RYR1: variants seen among roughly 807,000 people sequenced by gnomAD.
RYR1 encodes central core disease of muscle.
In RYR1, 342 loss-of-function variants were observed where a neutral mutation model predicts 583.5. That is an observed-to-expected ratio of 0.59 (90% CI 0.54 to 0.64). The LOEUF (loss-of-function observed/expected upper bound fraction) is 0.64. Ranked by LOEUF, RYR1 falls within the 30% of genes least tolerant of loss-of-function variation. The probability of loss-of-function intolerance (pLI) is 0.00; values close to 1 mark genes in which losing one functional copy is unlikely to be tolerated. For missense variants in RYR1, 6,032 were observed against 6,917.2 expected, an observed-to-expected ratio of 0.87 and a Z score of 4.54; for synonymous variants, 2,791 against 2,822.5, an observed-to-expected ratio of 0.99 and a Z score of 0.35.
intron 94 of RYR1, 56 bp from the exon 95 acceptor site, chr19:38,571,963 T>C: frequency 6.2e-7 from 1 of 1,612,722 alleles, no homozygotes; most frequent in African/African-American, 1.3e-5. Context: ...GGCTCAATTT[T>C]GTGAGTGGGC....
chr19:38,489,303 AAGG>A lies in RYR1; in HGVS notation c.5682_5684del (p.Glu1894del), dbSNP rs1568488408. On this transcript the variant is annotated inframe_deletion, in exon 35 of 106. Transcript: ENST00000359596. ...GGGTGAAGAGGAAGATGAGGAGGAG[AAGG>A]AGGAGGATGAGGAGGAAACAGCACA... is the stretch of plus-strand genomic sequence containing the variant. The A allele has an allele frequency of 3.1e-6, 5 of 1,601,734 alleles. No individual in the cohort carries two copies. Among genetic ancestry groups the A allele is most frequent in the South Asian group, 1.1e-5 (1 of 90,834 alleles).
rs762155957 is a variant in RYR1 at position 38,463,845 on chromosome 19, G to A, written c.2781G>A (p.Thr927=). Residue 927 remains threonine, a synonymous_variant, in exon 22 of 106, where the codon ACG becomes ACA. Transcript: ENST00000359596. ...ACAACCTGCAGATGTCTGGGGAGAC[G>A]CTCAAGTGAGGGCCCAGGGGAGCCG... ...RNYNLQMSGE[T]LKTLLALGCH... 2.0e-5 allele frequency: 32 copies of A among 1,613,240 alleles called. 1 individual carries two copies. The highest frequency in any genetic ancestry group is 3.3e-4 in the Middle Eastern group (2 of 6,076).
chr19:38,461,462 G>A (rs1297673996), intron 20 of RYR1, among the ~76,000 whole-genome samples: 1 of 151,948 alleles, frequency 6.6e-6, no homozygotes, highest in Non-Finnish European at 1.5e-5. Context: ...AAGAAAGGGT[G>A]GCTCACACCT....
Position 38,512,496 on chromosome 19 carries a change from G to C in RYR1, c.9472+13G>C, listed in dbSNP as rs1317508431. The stretch of plus-strand genomic sequence containing the variant: ...GATGACGTCATCCGTAAGGGCGCCT[G>C]ACCCAAGGGCAGGTTGCGGGGAGTC... On this transcript the variant is annotated intron_variant, in intron 63 of 105. Coordinates refer to ENST00000359596, the MANE Select transcript of RYR1 (RefSeq NM_000540.3). The surrounding 1 kb of genome is among the most constrained non-coding windows in gnomAD (Gnocchi z 5.1). The C allele has an allele frequency of 1.2e-6, 2 of 1,607,450 alleles. No homozygotes were observed.
intron 1 of RYR1, among the ~76,000 whole-genome samples, chr19:38,434,286 A>T (rs1972328149): frequency 1.3e-5 from 2 of 151,764 alleles, no homozygotes; most frequent in South Asian, 4.1e-4. Context: ...GACCTATTTA[A>T]ATTCTTGAGA....
At chr19:38,547,784 C>T (rs559243757) in intron 88 of RYR1, among the ~76,000 whole-genome samples, 1 of 150,884 alleles carries the variant, frequency 6.6e-6, no homozygotes, top group Non-Finnish European at 1.5e-5. Flanking sequence ...GGCACGATCT[C>T]GGCTCTGCAA....
In RYR1 at chr19:38,496,614, T is replaced by G. The variant is rs528996096; in HGVS notation, c.6796+73T>G. On this transcript the variant is annotated intron_variant, in intron 41 of 105. Transcript: ENST00000359596. The surrounding 1 kb of genome is among the most constrained non-coding windows in gnomAD (Gnocchi z 4.8). ...CACCCCGTCCAGGCCTGCCCCACTT[T>G]CCACCAGCTCACTCATTCAACAAAC... 7 of 1,570,856 alleles carry G rather than the reference T, an allele frequency of 4.5e-6. No individual in the cohort carries two copies. The highest frequency in any genetic ancestry group is 4.0e-5 in the African/African-American group (3 of 74,198).
chr19:38,572,398 T>A, intron 95 of RYR1, 128 bp downstream of exon 95: 1 of 1,133,934 alleles, frequency 8.8e-7, no homozygotes, highest in Non-Finnish European at 1.2e-6. Flanking sequence ...AGGGTTGGGG[T>A]GAGGGCTGGG....
chr19:38,586,727 T>C lies in RYR1; in HGVS notation c.15021+151T>C, dbSNP rs1599678477. 28 of 769,408 alleles carry C rather than the reference T, an allele frequency of 3.6e-5. No individual in the cohort carries two copies. The South Asian group carries it at 4.2e-4, about 12-fold the overall frequency. 47.7% of individuals were successfully genotyped at this position (769,408 alleles called of 1,614,324 possible). A position where few individuals can be genotyped will look rare whatever the true frequency, so the allele number is the denominator to read the frequency against. ...GGCTCACGCCTGTAATCCCAACACTTTGGGAGGCCAAGGCGGGTGGATTAC... is the reference window on the plus strand; with the variant it reads ...GGCTCACGCCTGTAATCCCAACACTCTGGGAGGCCAAGGCGGGTGGATTAC... On this transcript the variant is annotated intron_variant, in intron 105 of 105. Transcript: ENST00000359596.
chr19:38,477,728 G>A lies in RYR1; in HGVS notation c.4312G>A (p.Val1438Ile), dbSNP rs777848947. Residue 1438 changes from valine (V) to isoleucine (I), a missense_variant, in exon 30 of 106, where the codon GTC (valine) becomes ATC (isoleucine). Val to Ile is a conservative substitution (Grantham distance 29). This residue lies in a region of RYR1 where 2,627 missense variants were observed against 2,961.3 expected (regional missense o/e 0.89). Transcript: ENST00000359596. ...TCACCAGTACTATTACTCCGTGAGGGTCTTTGCTGGACAGGAGCCCAGCTG... is the reference window on the plus strand; with the variant it reads ...TCACCAGTACTATTACTCCGTGAGGATCTTTGCTGGACAGGAGCCCAGCTG... ...NTTTYYYSVR[V>I]FAGQEPSCVW... The A allele has an allele frequency of 6.2e-7, 1 of 1,614,126 alleles. No homozygotes were observed. The highest frequency in any genetic ancestry group is 8.5e-7 in the Non-Finnish European group (1 of 1,180,034).
At chr19:38,469,221 C>A (rs1198338181) in intron 26 of RYR1, 81 bp downstream of exon 26, 5 of 1,606,460 alleles carry the variant, frequency 3.1e-6, no homozygotes, top group Non-Finnish European at 4.3e-6. Flanking sequence ...CTGCCTCCAA[C>A]TCTCCCATCC....
In RYR1 at chr19:38,463,689, C is replaced by T. The variant is rs948721244; in HGVS notation, c.2683-58C>T. On this transcript the variant is annotated intron_variant, in intron 21 of 105. Coordinates refer to ENST00000359596, the MANE Select transcript of RYR1 (RefSeq NM_000540.3). ...TGGAGGTCAGGGGTCATAGTCTGGG[C>T]ATGTGGGGAGTGGGAAGGAAAGGGG... 1.4e-5 allele frequency: 22 copies of T among 1,537,144 alleles called. 1 individual carries two copies. The highest frequency in any genetic ancestry group is 1.7e-5 in the Non-Finnish European group (19 of 1,110,168).
rs778292467 is a variant in RYR1 at position 38,469,264 on chromosome 19, C to T, written c.3557-41C>T. 8 of 1,610,764 alleles carry T rather than the reference C, an allele frequency of 5.0e-6. No homozygotes were observed. The Admixed American group carries it at 6.7e-5, about 13-fold the overall frequency. On this transcript the variant is annotated intron_variant, in intron 26 of 105. Coordinates refer to ENST00000359596, the MANE Select transcript of RYR1 (RefSeq NM_000540.3). ...CTCCCCTCGGCTCCCTCTGCCCTGC[C>T]CACCTGCCCTCACCCCTGCCCATCC...
intron 29 of RYR1, among the ~76,000 whole-genome samples, chr19:38,477,246 G>A (rs190652790): frequency 2.0e-5 from 3 of 152,058 alleles, no homozygotes; most frequent in East Asian, 3.9e-4. Context: ...AGGTTCAAGC[G>A]ATTCTCCTGC....
At chr19:38,564,699 G>C (rs920551980) in intron 90 of RYR1, among the ~76,000 whole-genome samples, 1 of 152,072 alleles carries the variant, frequency 6.6e-6, no homozygotes, top group Admixed American at 6.5e-5. Context: ...ATTTTTAGTA[G>C]AGACGGGGGT....
At position 38,527,663 on chromosome 19, in the gene RYR1, C is replaced by G; in HGVS notation, c.10703C>G (p.Ser3568Cys). 6.2e-7 allele frequency: 1 copy of G among 1,614,172 alleles called. No homozygotes were observed. The highest frequency in any genetic ancestry group is 8.5e-7 in the Non-Finnish European group (1 of 1,180,034). Residue 3568 changes from serine (S) to cysteine (C), a missense_variant, in exon 73 of 106, where the codon TCT becomes TGT. Physicochemically the swap from Ser to Cys is moderately radical, Grantham distance 112. Around this residue, in one of 11 missense-constraint regions of RYR1, gnomAD observed 1,493 missense variants for 1,715.5 expected, o/e 0.87. Transcript: ENST00000359596. ...TCCCTTCAGGTCGAAGGCTCCCCGT[C>G]TCTGCGCTGGCAGATGGCTCTGTAC... The part of the protein sequence containing the change: ...HLQGKVEGSP[S>C]LRWQMALYRG...
At chr19:38,502,149 G>A (rs1970150206) in intron 47 of RYR1, among the ~76,000 whole-genome samples, 1 of 152,142 alleles carries the variant, frequency 6.6e-6, no homozygotes, top group Admixed American at 6.5e-5. Context: ...AGAGACCCCT[G>A]TCTCTAACAG....
In RYR1 at chr19:38,473,712, G is replaced by T. The variant is rs886038328; in HGVS notation, c.4101G>T (p.Ala1367=). 6.5e-7 allele frequency: 1 copy of T among 1,548,634 alleles called. No homozygotes were observed. The highest frequency in any genetic ancestry group is 1.4e-5 in the African/African-American group (1 of 73,094). The change falls in exon 28 of 106, where the codon GCG becomes GCT. Residue 1367 remains alanine, a synonymous_variant. Transcript: ENST00000359596. ...GCACCCCGCAGGCGGGGGGAGAGGCGCAGCCCGCCAGGGCGGAGAATGAGA... is the reference window on the plus strand; with the variant it reads ...GCACCCCGCAGGCGGGGGGAGAGGCTCAGCCCGCCAGGGCGGAGAATGAGA... ...PGGTPQAGGE[A]QPARAENEKD... is the part of the protein sequence containing the mutation.
In RYR1 at chr19:38,490,060, G is replaced by A. The variant is rs1064796679; in HGVS notation, c.5815-16G>A. ...CTCACCTCCATCTCTCCTCCCACAC[G>A]GCTGTCCTTCCACAGATGTGCCACC... On this transcript the variant is annotated splice_polypyrimidine_tract_variant and intron_variant, in intron 35 of 105. Transcript: ENST00000359596. 6 of 1,613,142 alleles carry A rather than the reference G, an allele frequency of 3.7e-6. No homozygotes were observed. The highest frequency in any genetic ancestry group is 1.3e-5 in the African/African-American group (1 of 74,914).
Sources: gnomAD v4.1 joint callset for allele counts (sites outside exome capture counted in the v4.1 genomes callset) on GRCh38, gnomAD v4.1.1 for gene constraint, gnomAD v4.1.1 regional missense constraint, Gnocchi (gnomAD v3.1) non-coding constraint, MANE v1.5 for transcripts, NCBI Gene and HGNC (gene_info 2026-07-23, HGNC 2026-07-21) for gene names.